The following CKAP2 variants were observed in gnomAD, a reference collection of about 807,000 sequenced individuals.
CKAP2 encodes the protein cytoskeleton-associated protein 2.
CKAP2 carries 46 observed loss-of-function variants against 58.4 expected under a neutral mutation model. That is an observed-to-expected ratio of 0.79 (90% CI 0.62 to 1.01). CKAP2 has a LOEUF of 1.01. Ranked by LOEUF, CKAP2 falls within the 50% of genes least tolerant of loss-of-function variation. CKAP2 has a pLI of 0.00. For missense variants in CKAP2, 809 were observed against 796.4 expected, an observed-to-expected ratio of 1.02 and a Z score of -0.19; for synonymous variants, 293 against 280.9, an observed-to-expected ratio of 1.04 and a Z score of -0.43.
chr13:52,467,591 C>G (rs1164099349), intron 6 of CKAP2, among the ~76,000 whole-genome samples: 1 of 151,962 alleles, frequency 6.6e-6, no homozygotes, highest in Non-Finnish European at 1.5e-5. Context: ...CACCCGTAAT[C>G]CCAGCTACTC....
In CKAP2 at chr13:52,461,111, G is replaced by A. The variant is rs1385899960; in HGVS notation, c.285G>A (p.Val95=). The A allele has an allele frequency of 6.2e-7, 1 of 1,609,728 alleles. No individual in the cohort carries two copies. ...RPAESKNNTV[V]GKHCIPLKPS... ...CAGAGAGCAAAAATAATACAGTGGT[G>A]GGGAAACATTGTATTCCTTTAAAAC... Residue 95 remains valine, a synonymous_variant, in exon 4 of 9, where the codon GTG becomes GTA. Transcript: ENST00000258607.
At chr13:52,465,604 T>G in intron 6 of CKAP2, 139 bp downstream of exon 6, 1 of 737,190 alleles carries the variant, frequency 1.4e-6, no homozygotes, top group Admixed American at 2.6e-5. Context: ...CTGCAAGGAT[T>G]GCATTATAAA....
chr13:52,466,862 G>A (rs541990806), intron 6 of CKAP2, among the ~76,000 whole-genome samples: 2 of 152,152 alleles, frequency 1.3e-5, no homozygotes, highest in Admixed American at 6.5e-5. Flanking sequence ...TTGGGAAGCC[G>A]AGGCGGGAGG....
intron 5 of CKAP2, among the ~76,000 whole-genome samples, 173 bp downstream of exon 5, chr13:52,462,740 C>T (rs1958605847): frequency 6.6e-6 from 1 of 152,168 alleles, no homozygotes. Flanking sequence ...AGATACACTG[C>T]TTCATTCATT....
chr13:52,473,341 C>G (rs1349721783), intron 7 of CKAP2, among the ~76,000 whole-genome samples: 2 of 152,184 alleles, frequency 1.3e-5, no homozygotes, highest in East Asian at 1.9e-4. Flanking sequence ...TCATTACAAT[C>G]TAGCTCTTGT....
chr13:52,471,548 C>G (rs1242859551), intron 7 of CKAP2, among the ~76,000 whole-genome samples: 4 of 151,806 alleles, frequency 2.6e-5, no homozygotes, highest in Non-Finnish European at 5.9e-5. Flanking sequence ...ACAAGCACCA[C>G]GTGGGTGTTT....
intron 5 of CKAP2, among the ~76,000 whole-genome samples, 168 bp downstream of exon 5, chr13:52,462,735 C>A (rs963508138): frequency 3.9e-5 from 6 of 152,190 alleles, no homozygotes; most frequent in Non-Finnish European, 8.8e-5. Flanking sequence ...TTGCGAGATA[C>A]ACTGCTTCAT....
chr13:52,471,637 T>C (rs1489028243), intron 7 of CKAP2, among the ~76,000 whole-genome samples: 1 of 152,238 alleles, frequency 6.6e-6, no homozygotes, highest in Non-Finnish European at 1.5e-5. Flanking sequence ...TAGTTCTCTG[T>C]CTTAATGAAT....
rs1958565954 is a variant in CKAP2 at position 52,461,045 on chromosome 13, A to G, written c.232-13A>G. On this transcript the variant is annotated splice_polypyrimidine_tract_variant and intron_variant, in intron 3 of 8. Coordinates refer to ENST00000258607, the MANE Select transcript of CKAP2 (RefSeq NM_018204.5). The stretch of plus-strand genomic sequence containing the variant: ...TGCCTTTCCTAAACACTTTTCTTAA[A>G]TAATTCTTTCAGGCTGATAAAGAAA... 3 of 1,601,182 alleles carry G rather than the reference A, an allele frequency of 1.9e-6. No individual in the cohort carries two copies. Among genetic ancestry groups the G allele is most frequent in the African/African-American group, 1.4e-5 (1 of 74,066 alleles).
At chr13:52,457,526 C>T (rs1236008661) in intron 2 of CKAP2, among the ~76,000 whole-genome samples, 1 of 152,138 alleles carries the variant, frequency 6.6e-6, no homozygotes, top group Non-Finnish European at 1.5e-5. Context: ...GGCAAAAGGT[C>T]CCCTCACTCT....
chr13:52,458,129 CTTTG>C (rs1958516998), intron 2 of CKAP2, among the ~76,000 whole-genome samples: 2 of 152,046 alleles, frequency 1.3e-5, no homozygotes, highest in Non-Finnish European at 2.9e-5. Flanking sequence ...TCTTTTATTT[CTTTG>C]TTTAAGACAA....
chr13:52,460,180 TA>T (rs1958547791), intron 2 of CKAP2, among the ~76,000 whole-genome samples: 1 of 152,132 alleles, frequency 6.6e-6, no homozygotes, highest in Non-Finnish European at 1.5e-5. Context: ...TAATGTATCC[TA>T]ATATAAATTA....
rs572637678 is a variant in CKAP2, at chr13:52,469,657, C to T, written c.1546+1310C>T. The stretch of plus-strand genomic sequence containing the variant: ...CAGGCCAGACTGCGGACTGCAGTGG[C>T]GCAATCTCGGCTCACTGCAAGCTCC... On this transcript the variant is annotated intron_variant, in intron 7 of 8. Transcript: ENST00000258607. 4.6e-3 allele frequency among the ~76,000 whole-genome samples: 676 copies of T among 146,500 alleles called. 20 individuals carry two copies. The highest frequency in any genetic ancestry group is 0.016 in the African/African-American group (638 of 39,620).
At position 52,455,499 on chromosome 13, in the gene CKAP2, C is replaced by G. The variant is rs1958460040; in HGVS notation, c.-58C>G. On this transcript the variant is annotated 5_prime_UTR_variant, in exon 1 of 9. Coordinates refer to ENST00000258607, the MANE Select transcript of CKAP2 (RefSeq NM_018204.5). ...CGGTGCAGACTGCGGCGGCGGTGGT[C>G]TGAGGAAGTTCTATCTTGGCGCTAA... The G allele has an allele frequency of 8.7e-6, 14 of 1,602,384 alleles. No individual in the cohort carries two copies. In the Middle Eastern group the frequency reaches 8.2e-4, roughly 94 times the overall value.
At position 52,465,390 on chromosome 13, in the gene CKAP2, A is replaced by T; in HGVS notation, c.1401A>T (p.Ala467=). Residue 467 remains alanine (A), a synonymous_variant, in exon 6 of 9, where the codon GCA becomes GCT. Coordinates refer to ENST00000258607, the MANE Select transcript of CKAP2 (RefSeq NM_018204.5). ...TTGTTAAGTATTGGATATGTCTTGC[A>T]CTTATTGAACCAATCACAAGTCCTA... ...KKLVKYWICL[A]LIEPITSPIE... 1 of 1,613,420 alleles carries T rather than the reference A, an allele frequency of 6.2e-7. No homozygotes were observed. Among genetic ancestry groups the T allele is most frequent in the Non-Finnish European group, 8.5e-7 (1 of 1,179,512 alleles).
In CKAP2 at chr13:52,467,769, G is replaced by T. The variant is rs188052898; in HGVS notation, c.1477-509G>T. Among the ~76,000 whole-genome samples the T allele has an allele frequency of 2.7e-3, 416 of 151,286 alleles. 2 individuals carry two copies. Among genetic ancestry groups the T allele is most frequent in the African/African-American group, 9.7e-3 (401 of 41,370 alleles). ...TCCTTCATTTTTACTCTATAAATTG[G>T]AAAAGACAGCCATTTTTCGTTTTTG... On this transcript the variant is annotated intron_variant, in intron 6 of 8. Coordinates refer to ENST00000258607, the MANE Select transcript of CKAP2 (RefSeq NM_018204.5).
In CKAP2 at chr13:52,461,203, C is replaced by T. The variant is rs1958568988; in HGVS notation, c.377C>T (p.Thr126Ile). The change falls in exon 4 of 9, where the codon ACT (threonine) becomes ATT (isoleucine). Residue 126 changes from threonine (T) to isoleucine (I), a missense_variant. Thr to Ile is a moderately conservative substitution (Grantham distance 89). Around this residue, in one of 3 missense-constraint regions of CKAP2, gnomAD observed 523 missense variants for 492.4 expected, o/e 1.06. Coordinates refer to ENST00000258607, the MANE Select transcript of CKAP2 (RefSeq NM_018204.5). ...CATAAACCTAAGGATAGTAATCAAA[C>T]TCCGCATTTGTTACTAACTGAAGAT... ...DTHKPKDSNQ[T>I]PHLLLTEDDP... is the part of the protein sequence containing the mutation. 8.7e-6 allele frequency: 14 copies of T among 1,613,900 alleles called. No homozygotes were observed. The highest frequency in any genetic ancestry group is 1.0e-5 in the Non-Finnish European group (12 of 1,179,964).
intron 8 of CKAP2, among the ~76,000 whole-genome samples, 188 bp from the exon 9 acceptor site, chr13:52,474,707 T>C (rs1382730573): frequency 1.3e-5 from 2 of 152,210 alleles, no homozygotes; most frequent in Non-Finnish European, 2.9e-5. Flanking sequence ...TGTATACAAG[T>C]TGTAATGACA....
intron 6 of CKAP2, among the ~76,000 whole-genome samples, chr13:52,466,958 T>C (rs1038049401): frequency 6.6e-6 from 1 of 152,054 alleles, no homozygotes; most frequent in Admixed American, 6.6e-5. Context: ...TTTAAAGTTT[T>C]TTTTTTGGTG....
Sources: gnomAD v4.1 joint callset for allele counts (sites outside exome capture counted in the v4.1 genomes callset) on GRCh38, gnomAD v4.1.1 for gene constraint, gnomAD v4.1.1 regional missense constraint, MANE v1.5 for transcripts, NCBI Gene and HGNC (gene_info 2026-07-23, HGNC 2026-07-21) for gene names.